Variants in PTPRM observed in about 807,000 individuals in gnomAD.
PTPRM encodes the protein protein tyrosine phosphatase receptor type M.
PTPRM carries 47 observed loss-of-function variants against 186.7 expected under a neutral mutation model. That is an observed-to-expected ratio of 0.25 (90% CI 0.20 to 0.32). The LOEUF is 0.32. Ranked by LOEUF, PTPRM falls within the 10% of genes least tolerant of loss-of-function variation. PTPRM has a pLI of 1.00. For synonymous variants in PTPRM, 668 were observed against 674.9 expected (o/e 0.99, Z 0.16); for missense variants, 1,494 against 1,865.0 (o/e 0.80, Z 3.66).
chr18:8,105,511 C>T (rs966387468), intron 11 of PTPRM, among the ~76,000 whole-genome samples: 7 of 152,328 alleles, frequency 4.6e-5, no homozygotes, highest in Middle Eastern at 6.8e-3. Context: ...AGCTTTTATA[C>T]AATGAAACTT....
At chr18:8,225,125 A>G (rs1390498790) in intron 14 of PTPRM, among the ~76,000 whole-genome samples, 1 of 152,126 alleles carries the variant, frequency 6.6e-6, no homozygotes, top group Non-Finnish European at 1.5e-5. Context: ...TTCTGTATTT[A>G]TTAAGTGTCA....
intron 14 of PTPRM, among the ~76,000 whole-genome samples, chr18:8,158,715 G>T (rs2093171047): frequency 2.6e-5 from 4 of 152,178 alleles, no homozygotes. Flanking sequence ...GCCAGCATCT[G>T]TTCAGCTTCT....
chr18:7,782,793 AT>A (rs2042920561), intron 2 of PTPRM, among the ~76,000 whole-genome samples: 1 of 152,216 alleles, frequency 6.6e-6, no homozygotes, highest in Admixed American at 6.6e-5. Context: ...TCTTTAAAAA[AT>A]ATTTTGATTT....
At chr18:7,942,700 C>G (rs188039550) in intron 5 of PTPRM, among the ~76,000 whole-genome samples, 42 of 152,212 alleles carry the variant, frequency 2.8e-4, no homozygotes, top group South Asian at 1.2e-3. Flanking sequence ...GTTTTCTCAG[C>G]TTCTTTCAGC....
chr18:8,289,532 A>G (rs966266114), intron 19 of PTPRM, among the ~76,000 whole-genome samples: 12 of 97,678 alleles, frequency 1.2e-4, no homozygotes, highest in East Asian at 9.5e-4. Flanking sequence ...ATACATATAT[A>G]TACACATATA....
At chr18:8,169,212 T>C (rs1022541516) in intron 14 of PTPRM, among the ~76,000 whole-genome samples, 1 of 152,130 alleles carries the variant, frequency 6.6e-6, no homozygotes, top group Non-Finnish European at 1.5e-5. Flanking sequence ...TCTCCAACCA[T>C]TGTATATTCA....
At chr18:8,286,014 G>C (rs934147185) in intron 19 of PTPRM, among the ~76,000 whole-genome samples, 30 of 152,138 alleles carry the variant, frequency 2.0e-4, no homozygotes, top group African/African-American at 7.2e-4. Context: ...AATTTCATTT[G>C]CAAGTACTGT....
At chr18:7,727,565 T>C (rs1156476809) in intron 1 of PTPRM, among the ~76,000 whole-genome samples, 1 of 152,190 alleles carries the variant, frequency 6.6e-6, no homozygotes, top group East Asian at 1.9e-4. Context: ...GATTTTTTTG[T>C]GGCAAGCCAA....
At chr18:8,095,681 G>A (rs2090981583) in intron 11 of PTPRM, among the ~76,000 whole-genome samples, 1 of 152,068 alleles carries the variant, frequency 6.6e-6, no homozygotes, top group African/African-American at 2.4e-5. Flanking sequence ...TTAAGATAGA[G>A]CTAACCCTGG....
At chr18:8,121,663 T>G (rs188068225) in intron 13 of PTPRM, among the ~76,000 whole-genome samples, 1 of 152,296 alleles carries the variant, frequency 6.6e-6, no homozygotes, top group East Asian at 1.9e-4. Flanking sequence ...AGTGAAAAAA[T>G]AAAGTTCCTG....
intron 1 of PTPRM, among the ~76,000 whole-genome samples, chr18:7,608,379 A>G (rs887233806): frequency 6.6e-6 from 1 of 152,178 alleles, no homozygotes; most frequent in African/African-American, 2.4e-5. Context: ...ATTTTTATGA[A>G]ACATTCTCAG....
intron 7 of PTPRM, among the ~76,000 whole-genome samples, chr18:7,966,513 A>G (rs1396394544): frequency 6.6e-6 from 1 of 151,676 alleles, no homozygotes; most frequent in Non-Finnish European, 1.5e-5. Context: ...GACGCAGAAG[A>G]CGGGTGATTT....
intron 4 of PTPRM, among the ~76,000 whole-genome samples, chr18:7,918,393 A>G (rs368576874): frequency 6.6e-5 from 10 of 152,194 alleles, no homozygotes; most frequent in African/African-American, 1.7e-4. Flanking sequence ...CATGCTCACC[A>G]GTATCCGTTA....
intron 20 of PTPRM, among the ~76,000 whole-genome samples, chr18:8,302,319 G>A (rs1219328984): frequency 1.3e-5 from 2 of 152,112 alleles, no homozygotes; most frequent in Admixed American, 6.5e-5. Context: ...ACCCTGTCAT[G>A]CCGGGGAGCC....
At chr18:7,731,659 A>G (rs1228066233) in intron 1 of PTPRM, among the ~76,000 whole-genome samples, 1 of 152,222 alleles carries the variant, frequency 6.6e-6, no homozygotes, top group African/African-American at 2.4e-5. Flanking sequence ...CTTTATGTAC[A>G]GATTCTATGT....
At chr18:7,939,321 T>C (rs958867393) in intron 5 of PTPRM, among the ~76,000 whole-genome samples, 1 of 152,210 alleles carries the variant, frequency 6.6e-6, no homozygotes, top group African/African-American at 2.4e-5. Flanking sequence ...CCAAAATGCC[T>C]GAGATTGATT....
intron 7 of PTPRM, among the ~76,000 whole-genome samples, chr18:7,975,452 A>G (rs930985414): frequency 6.6e-5 from 10 of 152,188 alleles, no homozygotes; most frequent in African/African-American, 2.4e-4. Context: ...CCATGAAGAG[A>G]CACAGAGGAA....
At chr18:8,088,656 T>C in intron 10 of PTPRM, 93 bp from the exon 11 acceptor site, 1 of 1,009,442 alleles carries the variant, frequency 9.9e-7, no homozygotes. Flanking sequence ...AAATGCACTG[T>C]GTTCTTAATG....
At chr18:7,578,150 T>TATGATG (rs1216704176) in intron 1 of PTPRM, among the ~76,000 whole-genome samples, 1 of 151,552 alleles carries the variant, frequency 6.6e-6, no homozygotes, top group Admixed American at 6.6e-5. Context: ...TGATGATGAT[T>TATGATG]ATGATGATGA....
Sources: allele counts gnomAD v4.1 joint callset (sites outside exome capture counted in the v4.1 genomes callset), GRCh38; gene constraint gnomAD v4.1.1; transcripts MANE v1.5; gene names NCBI Gene and HGNC (gene_info 2026-07-23, HGNC 2026-07-21).